DSE: variants seen among roughly 807,000 people sequenced by gnomAD.
The protein encoded by DSE is dermatan sulfate epimerase, also known as dermatan-sulfate epimerase.
Under a neutral mutation model 84.4 loss-of-function variants are expected in DSE, and 36 were observed. The observed-to-expected ratio is 0.43, with a 90% CI of 0.33 to 0.56. The LOEUF (loss-of-function observed/expected upper bound fraction) is 0.56. Among genes scored for constraint, DSE ranks in the 20% least tolerant of loss-of-function variants. The probability of loss-of-function intolerance (pLI) is 0.06; values close to 1 mark genes in which losing one functional copy is unlikely to be tolerated. For missense variants in DSE, 862 were observed against 1,169.6 expected (o/e 0.74, Z 3.84); for synonymous variants, 410 against 430.1 (o/e 0.95, Z 0.58).
At chr6:116,401,731 A>G (rs1781604552) in intron 2 of DSE, among the ~76,000 whole-genome samples, 1 of 152,186 alleles carries the variant, frequency 6.6e-6, no homozygotes, top group African/African-American at 2.4e-5. Context: ...AACAATGTTC[A>G]GTGATTTTAC....
At chr6:116,333,592 A>G (rs1440198102) in intron 2 of DSE, among the ~76,000 whole-genome samples, 3 of 152,154 alleles carry the variant, frequency 2.0e-5, no homozygotes, top group African/African-American at 7.2e-5. Flanking sequence ...TCTTTATGGT[A>G]TGTACATATC....
In DSE at chr6:116,263,548, C is replaced by A. The variant is rs759483985; in HGVS notation, c.-54+4581C>A. Among the ~76,000 whole-genome samples the A allele has an allele frequency of 3.4e-4, 51 of 152,232 alleles. 1 individual carries two copies. The highest frequency in any genetic ancestry group is 3.4e-3 in the Middle Eastern group (1 of 294). On this transcript the variant is annotated intron_variant, in intron 2 of 3. Transcript: ENST00000430252. Reference sequence around the variant, plus strand: ...GACAGCATACCAATAAGTCTTGATTCTTTATCCAGCTTACCATTCTGTGTC... The same window carrying A: ...GACAGCATACCAATAAGTCTTGATTATTTATCCAGCTTACCATTCTGTGTC...
At chr6:116,325,657 T>G (rs1776574769) in intron 2 of DSE, among the ~76,000 whole-genome samples, 1 of 152,204 alleles carries the variant, frequency 6.6e-6, no homozygotes, top group South Asian at 2.1e-4. Flanking sequence ...GCCCTCCATG[T>G]AAGGACCACT....
chr6:116,345,907 A>G (rs1021636551), intron 2 of DSE, among the ~76,000 whole-genome samples: 8 of 152,224 alleles, frequency 5.3e-5, no homozygotes, highest in Non-Finnish European at 1.2e-4. Flanking sequence ...GAAGAATCAA[A>G]TAGATGGAAT....
At chr6:116,311,207 CCTT>C (rs1264635992) in intron 2 of DSE, among the ~76,000 whole-genome samples, 28 of 152,300 alleles carry the variant, frequency 1.8e-4, no homozygotes, top group Non-Finnish European at 3.5e-4. Context: ...AACACCTTGT[CCTT>C]CTTTAGTTTT....
At chr6:116,365,091 G>A (rs1255568302) in intron 2 of DSE, among the ~76,000 whole-genome samples, 2 of 152,098 alleles carry the variant, frequency 1.3e-5, no homozygotes, top group Non-Finnish European at 2.9e-5. Flanking sequence ...GCCTGCATTG[G>A]CCTCCCAAAG....
At chr6:116,351,359 T>A (rs759905244) in intron 2 of DSE, among the ~76,000 whole-genome samples, 1 of 152,194 alleles carries the variant, frequency 6.6e-6, no homozygotes, top group Non-Finnish European at 1.5e-5. Context: ...CTGTTTTGAG[T>A]ATAGTAGAAG....
chr6:116,337,831 A>G (rs1196299865), intron 2 of DSE, among the ~76,000 whole-genome samples: 1 of 152,192 alleles, frequency 6.6e-6, no homozygotes, highest in African/African-American at 2.4e-5. Flanking sequence ...GTAAGCAAAA[A>G]TGTGTAATTT....
chr6:116,299,648 A>G lies in DSE; in HGVS notation c.-54+40681A>G, dbSNP rs760722600. 4.8e-4 allele frequency among the ~76,000 whole-genome samples: 67 copies of G among 139,748 alleles called. 1 individual carries two copies. The highest frequency in any genetic ancestry group is 3.9e-3 in the Middle Eastern group (1 of 258). The allele number at this position is 139,748 out of a possible 152,430, so 91.7% of individuals were successfully genotyped here. A position where few individuals can be genotyped will look rare whatever the true frequency, so the allele number is the denominator to read the frequency against. On this transcript the variant is annotated intron_variant, in intron 2 of 3. Coordinates refer to the DSE transcript ENST00000430252. ...GGTAGGTATAGGTATAGATAAAGAG[A>G]TAGAGATAGATGATGGACATTCCTC...
intron 2 of DSE, among the ~76,000 whole-genome samples, chr6:116,297,241 A>G (rs1235352647): frequency 1.3e-5 from 2 of 152,128 alleles, no homozygotes; most frequent in Non-Finnish European, 2.9e-5. Flanking sequence ...CCTTAGCTAA[A>G]GTCAGATGGG....
intron 1 of DSE, among the ~76,000 whole-genome samples, chr6:116,393,532 C>T (rs778072129): frequency 2.0e-5 from 3 of 152,200 alleles, no homozygotes; most frequent in Non-Finnish European, 2.9e-5. Flanking sequence ...TTGAGCTCTT[C>T]ATGTCATGTT....
At chr6:116,285,298 G>A (rs1024653427) in intron 2 of DSE, among the ~76,000 whole-genome samples, 24 of 151,924 alleles carry the variant, frequency 1.6e-4, no homozygotes, top group Non-Finnish European at 3.4e-4. Flanking sequence ...TCATGTGTCT[G>A]TAGGCTGTAT....
At chr6:116,281,838 G>T (rs530335281) in intron 2 of DSE, among the ~76,000 whole-genome samples, 2 of 152,302 alleles carry the variant, frequency 1.3e-5, no homozygotes, top group East Asian at 3.9e-4. Flanking sequence ...TTGTCACTCT[G>T]CTCTCCTTCC....
chr6:116,262,563 A>G (rs566599192), intron 2 of DSE, among the ~76,000 whole-genome samples: 2 of 152,282 alleles, frequency 1.3e-5, no homozygotes, highest in African/African-American at 4.8e-5. Context: ...TCAGAAAACC[A>G]GCTCCTGGAT....
chr6:116,311,744 GTC>G (rs1332849058), intron 2 of DSE, among the ~76,000 whole-genome samples: 1 of 152,130 alleles, frequency 6.6e-6, no homozygotes, highest in Admixed American at 6.5e-5. Context: ...GATCTTTCAG[GTC>G]TCTCTCAAAT....
chr6:116,270,618 T>G (rs1378439679), intron 2 of DSE, among the ~76,000 whole-genome samples: 1 of 151,702 alleles, frequency 6.6e-6, no homozygotes, highest in Non-Finnish European at 1.5e-5. Flanking sequence ...ATATAAAAAA[T>G]TACATTTTTA....
chr6:116,302,824 T>C (rs1775118477), intron 2 of DSE, among the ~76,000 whole-genome samples: 1 of 152,206 alleles, frequency 6.6e-6, no homozygotes, highest in African/African-American at 2.4e-5. Context: ...TTGTATAAGG[T>C]GTAAGGAAGG....
chr6:116,421,956 A>C (rs1181848765), intron 2 of DSE, among the ~76,000 whole-genome samples: 1 of 152,182 alleles, frequency 6.6e-6, no homozygotes. Flanking sequence ...ATAATTGTGA[A>C]TATTCTTCTT....
Position 116,392,626 on chromosome 6 carries a change from G to A in DSE, c.-53-6572G>A, listed in dbSNP as rs184394640. The stretch of plus-strand genomic sequence containing the variant: ...TTTTGTCTTTAATGATACCCCCAAG[G>A]ACATCTGTGACAGCTGCTGGCAATT... On this transcript the variant is annotated intron_variant, in intron 1 of 5. Transcript: ENST00000644252. 4.2e-3 allele frequency among the ~76,000 whole-genome samples: 636 copies of A among 152,274 alleles called. 5 individuals carry two copies. The highest frequency in any genetic ancestry group is 6.4e-3 in the Non-Finnish European group (434 of 68,018).
Sources: allele counts gnomAD v4.1 joint callset (sites outside exome capture counted in the v4.1 genomes callset), GRCh38; gene constraint gnomAD v4.1.1; transcripts MANE v1.5; gene names NCBI Gene and HGNC (gene_info 2026-07-23, HGNC 2026-07-21).